Variants in ZNF608 observed in about 807,000 individuals in gnomAD.
The protein encoded by ZNF608 is zinc finger protein 608.
Under a neutral mutation model 109.0 loss-of-function variants are expected in ZNF608, and 12 were observed. That is an observed-to-expected ratio of 0.11 (90% CI 0.07 to 0.18). The LOEUF is 0.18. Among genes scored for constraint, ZNF608 ranks in the 10% least tolerant of loss-of-function variants. The pLI, the probability that ZNF608 is intolerant of heterozygous loss-of-function variation, is 1.00. For synonymous variants in ZNF608, 732 were observed against 717.4 expected, an observed-to-expected ratio of 1.02 and a Z score of -0.33; for missense variants, 1,707 against 1,879.3, an observed-to-expected ratio of 0.91 and a Z score of 1.70.
At chr5:124,676,828 T>C (rs920592327) in intron 3 of ZNF608, among the ~76,000 whole-genome samples, 5 of 152,202 alleles carry the variant, frequency 3.3e-5, no homozygotes, top group East Asian at 1.9e-4. Flanking sequence ...TTATGCAAAG[T>C]GCAAAGCCAT....
At chr5:124,665,041 G>A (rs1580574286) in intron 3 of ZNF608, among the ~76,000 whole-genome samples, 1 of 152,116 alleles carries the variant, frequency 6.6e-6, no homozygotes, top group Non-Finnish European at 1.5e-5. Context: ...TGGGCTTGGT[G>A]GTGGGTGCCT....
rs561586538 is a variant in ZNF608 at position 124,703,547 on chromosome 5, C to T, written c.907-2278G>A. ...GTGGGAGCTCCAAGAAGGAGTATCA[C>T]TTCAGGCTGGGAGTTGGAGACCAGC... On this transcript the variant is annotated intron_variant, in intron 2 of 9. Transcript: ENST00000513986. Among the ~76,000 whole-genome samples the T allele has an allele frequency of 2.6e-5, 4 of 152,296 alleles. 1 individual carries two copies. Among genetic ancestry groups the T allele is most frequent in the Non-Finnish European group, 5.9e-5 (4 of 68,026 alleles).
Position 124,706,899 on chromosome 5 carries a change from G to A in ZNF608, c.907-5630C>T, listed in dbSNP as rs547028679. Among the ~76,000 whole-genome samples, 5 of 152,298 alleles carry A rather than the reference G, an allele frequency of 3.3e-5. No individual in the cohort carries two copies. In the South Asian group the frequency reaches 1.0e-3, roughly 32 times the overall value. On this transcript the variant is annotated intron_variant, in intron 2 of 9. Coordinates refer to ENST00000513986, the MANE Select transcript of ZNF608 (RefSeq NM_020747.3). ...TAGCCTGGCTATTTATCACGCGAGA[G>A]AGCCTAAGAGCATGGGAGGGGGAGC...
chr5:124,660,786 C>T (rs1032058102), intron 3 of ZNF608, among the ~76,000 whole-genome samples: 3 of 152,172 alleles, frequency 2.0e-5, no homozygotes, highest in Non-Finnish European at 2.9e-5. Context: ...TGTACTACGG[C>T]GTCCTCATCT....
intron 2 of ZNF608, among the ~76,000 whole-genome samples, chr5:124,711,794 G>A (rs1351648631): frequency 6.6e-6 from 1 of 152,194 alleles, no homozygotes; most frequent in Non-Finnish European, 1.5e-5. Flanking sequence ...GAGAGCTGAG[G>A]CTGGAATATC....
At chr5:124,745,539 C>T (rs1749608884) in intron 1 of ZNF608, 1 of 152,636 alleles carries the variant, frequency 6.6e-6, no homozygotes, top group Non-Finnish European at 1.5e-5. Flanking sequence ...CCCAGAAACA[C>T]AGCCTGAACA....
intron 2 of ZNF608, among the ~76,000 whole-genome samples, chr5:124,721,646 C>T (rs1753907824): frequency 6.6e-6 from 1 of 152,064 alleles, no homozygotes; most frequent in South Asian, 2.1e-4. Context: ...TAAAAGAACT[C>T]AGAGCCAGGC....
chr5:124,687,491 G>A (rs1009753938), intron 3 of ZNF608, among the ~76,000 whole-genome samples: 2 of 152,150 alleles, frequency 1.3e-5, no homozygotes, highest in Non-Finnish European at 2.9e-5. Context: ...GGTATAATGT[G>A]TATGTATATA....
intron 3 of ZNF608, among the ~76,000 whole-genome samples, chr5:124,654,064 G>C (rs1167183412): frequency 6.6e-6 from 1 of 152,126 alleles, no homozygotes; most frequent in African/African-American, 2.4e-5. Context: ...TGAATACCTT[G>C]GTCCTGGCTG....
At chr5:124,657,549 C>T (rs1751066282) in intron 3 of ZNF608, among the ~76,000 whole-genome samples, 1 of 151,992 alleles carries the variant, frequency 6.6e-6, no homozygotes, top group Non-Finnish European at 1.5e-5. Flanking sequence ...GTGGTGGGCA[C>T]CTGTAGTCCC....
chr5:124,645,671 T>C (rs186522248), intron 5 of ZNF608, among the ~76,000 whole-genome samples: 1 of 152,242 alleles, frequency 6.6e-6, no homozygotes, highest in Admixed American at 6.5e-5. Flanking sequence ...AAGGTGCTAG[T>C]ACATTTGTGG....
rs755561532 is a variant in ZNF608 at position 124,642,692 on chromosome 5, CTTT to C, written c.4296+816_4296+818del. 8.3e-3 allele frequency among the ~76,000 whole-genome samples: 795 copies of C among 95,276 alleles called. 6 individuals are homozygous for C. Among genetic ancestry groups the C allele is most frequent in the African/African-American group, 0.035 (759 of 21,910 alleles). 62.5% of individuals were successfully genotyped at this position (95,276 alleles called of 152,430 possible). The stretch of plus-strand genomic sequence containing the variant: ...CATTTTGAACCAGATTTTCTATTGT[CTTT>C]TTTTTTTTTTTTTTTTTTTTTGAGA... On this transcript the variant is annotated intron_variant, in intron 7 of 9. Transcript: ENST00000513986.
chr5:124,742,361 A>G (rs1322470652), intron 2 of ZNF608, among the ~76,000 whole-genome samples: 1 of 152,220 alleles, frequency 6.6e-6, no homozygotes, highest in Non-Finnish European at 1.5e-5. Flanking sequence ...AGTACCTCCC[A>G]CATTCCAAGC....
intron 4 of ZNF608, 44 bp from the exon 5 acceptor site, chr5:124,649,177 G>A (rs201304202): frequency 1.9e-4 from 276 of 1,486,482 alleles, no homozygotes; most frequent in Non-Finnish European, 2.3e-4. Flanking sequence ...ATCCCCAAAA[G>A]AGCCAGGTGA....
In ZNF608 at chr5:124,647,817, T is replaced by A; in HGVS notation, c.2567A>T (p.Asp856Val). 6.2e-7 allele frequency: 1 copy of A among 1,614,234 alleles called. No individual in the cohort carries two copies. The highest frequency in any genetic ancestry group is 8.5e-7 in the Non-Finnish European group (1 of 1,180,044). ...CAGCCCTTCATTCTTGTTGAGATGA[T>A]CCTTTAAAAAATGCCCAGGTAAATC... ...SKDLPGHFLK[D>V]HLNKNEGLAN... Residue 856 changes from aspartate (D) to valine (V), a missense_variant, in exon 5 of 10, where the codon GAT (aspartate) becomes GTT (valine). Physicochemically the swap from Asp to Val is radical, Grantham distance 152 (BLOSUM62 -3). This residue lies in a region of ZNF608 where 1,073 missense variants were observed against 1,133.5 expected (regional missense o/e 0.95). Coordinates refer to ENST00000513986, the MANE Select transcript of ZNF608 (RefSeq NM_020747.3).
intron 3 of ZNF608, among the ~76,000 whole-genome samples, chr5:124,687,006 C>T (rs181475856): frequency 1.3e-5 from 2 of 152,270 alleles, no homozygotes; most frequent in African/African-American, 2.4e-5. Context: ...ATTTTAAAAA[C>T]ATTTCACTTA....
intron 2 of ZNF608, among the ~76,000 whole-genome samples, chr5:124,721,132 C>T (rs1357652211): frequency 6.6e-6 from 1 of 152,076 alleles, no homozygotes; most frequent in African/African-American, 2.4e-5. Flanking sequence ...GCATGCTCTA[C>T]CAAACTGGGG....
chr5:124,694,219 T>C (rs1359078692), intron 3 of ZNF608, among the ~76,000 whole-genome samples: 1 of 143,626 alleles, frequency 7.0e-6, no homozygotes, highest in Non-Finnish European at 1.5e-5. Context: ...GGTCTCGATC[T>C]CCTGACCTCC....
chr5:124,693,972 A>ATATTTTTTTTTTTTT (rs1561564262), intron 3 of ZNF608, among the ~76,000 whole-genome samples: 1 of 23,316 alleles, frequency 4.3e-5, no homozygotes, highest in East Asian at 2.1e-3. Context: ...CATTTCATTA[A>ATATTTTTTTTTTTTT]TCTTTTTTTT....
Sources: allele counts gnomAD v4.1 joint callset (sites outside exome capture counted in the v4.1 genomes callset), GRCh38; gene constraint gnomAD v4.1.1; regional missense constraint gnomAD v4.1.1; transcripts MANE v1.5; gene names NCBI Gene and HGNC (gene_info 2026-07-23, HGNC 2026-07-21).